TMEM108: variants seen among roughly 807,000 people sequenced by gnomAD.
TMEM108 encodes the protein cancer/testis antigen 124.
Under a neutral mutation model 35.1 loss-of-function variants are expected in TMEM108, and 12 were observed. That is an observed-to-expected ratio of 0.34 (90% CI 0.22 to 0.55). The LOEUF (loss-of-function observed/expected upper bound fraction) is 0.55. Ranked by LOEUF, TMEM108 falls within the 20% of genes least tolerant of loss-of-function variation. The pLI is 0.89. For synonymous variants in TMEM108, 287 were observed against 308.6 expected, an observed-to-expected ratio of 0.93 and a Z score of 0.73; for missense variants, 680 against 753.3, an observed-to-expected ratio of 0.90 and a Z score of 1.14.
At chr3:133,210,686 C>T (rs1188080615) in intron 2 of TMEM108, among the ~76,000 whole-genome samples, 1 of 152,190 alleles carries the variant, frequency 6.6e-6, no homozygotes, top group Non-Finnish European at 1.5e-5. Context: ...AGATAAAACT[C>T]ATTCAAAATG....
chr3:133,313,911 T>C (rs1194500674), intron 3 of TMEM108, among the ~76,000 whole-genome samples: 1 of 152,114 alleles, frequency 6.6e-6, no homozygotes, highest in Non-Finnish European at 1.5e-5. Flanking sequence ...CTTTTTAATG[T>C]GAATTTAAGG....
intron 2 of TMEM108, among the ~76,000 whole-genome samples, chr3:133,096,090 A>T (rs1265934339): frequency 6.6e-6 from 1 of 152,184 alleles, no homozygotes; most frequent in Non-Finnish European, 1.5e-5. Flanking sequence ...CTTAGACAGA[A>T]TATTCGTATA....
At chr3:133,122,594 G>A (rs1305736946) in intron 2 of TMEM108, among the ~76,000 whole-genome samples, 2 of 152,040 alleles carry the variant, frequency 1.3e-5, no homozygotes, top group African/African-American at 2.4e-5. Flanking sequence ...GGCCAGGCAC[G>A]GTGGCTCACG....
chr3:133,376,418 C>T (rs926050014), intron 3 of TMEM108, among the ~76,000 whole-genome samples: 2 of 152,148 alleles, frequency 1.3e-5, no homozygotes, highest in African/African-American at 4.8e-5. Context: ...ACATCTGGTG[C>T]CTGGCCCCAG....
Position 133,286,515 on chromosome 3 carries a change from T to C in TMEM108, c.40+57164T>C, listed in dbSNP as rs115842123. Among the ~76,000 whole-genome samples, 995 of 152,260 alleles carry C rather than the reference T, an allele frequency of 6.5e-3. 7 individuals are homozygous for C. The highest frequency in any genetic ancestry group is 0.022 in the African/African-American group (928 of 41,528). On this transcript the variant is annotated intron_variant, in intron 3 of 5. Coordinates refer to ENST00000321871, the MANE Select transcript of TMEM108 (RefSeq NM_023943.4). ...CACTCAGCTAATTAAAAATTTTTTT[T>C]TGTAGAGATGGGACTCTCACTATGT...
chr3:133,197,091 A>G (rs995008036), intron 2 of TMEM108, among the ~76,000 whole-genome samples: 4 of 152,220 alleles, frequency 2.6e-5, no homozygotes, highest in African/African-American at 9.6e-5. Context: ...GCAGGCACAC[A>G]ATATCCATTC....
intron 2 of TMEM108, among the ~76,000 whole-genome samples, chr3:133,221,666 T>TA (rs1945993585): frequency 7.0e-6 from 1 of 142,994 alleles, no homozygotes; most frequent in Non-Finnish European, 1.5e-5. Context: ...ATTCCTTTTT[T>TA]TTTTTTTTTT....
chr3:133,197,140 A>G (rs1005018011), intron 2 of TMEM108, among the ~76,000 whole-genome samples: 1 of 152,246 alleles, frequency 6.6e-6, no homozygotes, highest in Non-Finnish European at 1.5e-5. Context: ...AACATAGACT[A>G]CTATGTAACT....
chr3:133,225,462 C>A (rs1247910428), intron 2 of TMEM108, among the ~76,000 whole-genome samples: 2 of 151,872 alleles, frequency 1.3e-5, no homozygotes, highest in Non-Finnish European at 2.9e-5. Flanking sequence ...AGCTGTTGTA[C>A]CCCCCTCCCC....
At chr3:133,156,230 C>G (rs1393016468) in intron 2 of TMEM108, among the ~76,000 whole-genome samples, 2 of 152,060 alleles carry the variant, frequency 1.3e-5, no homozygotes, top group Admixed American at 1.3e-4. Flanking sequence ...TACAAATCAA[C>G]TAAGACAACC....
intron 2 of TMEM108, among the ~76,000 whole-genome samples, chr3:133,178,546 C>T (rs1394658138): frequency 6.6e-6 from 1 of 152,056 alleles, no homozygotes. Flanking sequence ...CTGACAAAAA[C>T]AAGCAATGGG....
At chr3:133,312,474 G>T (rs552954991) in intron 3 of TMEM108, among the ~76,000 whole-genome samples, 1 of 152,232 alleles carries the variant, frequency 6.6e-6, no homozygotes, top group Admixed American at 6.5e-5. Context: ...CAGCAGCCTC[G>T]TGGGTCAATC....
chr3:133,343,082 A>T (rs940339582), intron 3 of TMEM108, among the ~76,000 whole-genome samples: 10 of 151,894 alleles, frequency 6.6e-5, no homozygotes, highest in African/African-American at 2.4e-4. Context: ...ACAAAGCAGC[A>T]TTTCAAAAAG....
chr3:133,386,693 G>T, intron 4 of TMEM108: 1 of 1,391,444 alleles, frequency 7.2e-7, no homozygotes, highest in Admixed American at 3.0e-5. Flanking sequence ...AACTAAATGG[G>T]AAAGGGAACA....
chr3:133,374,553 TATATATATATAC>T (rs2072776035), intron 3 of TMEM108, among the ~76,000 whole-genome samples: 3 of 120,816 alleles, frequency 2.5e-5, no homozygotes, highest in African/African-American at 9.6e-5. Flanking sequence ...TATATATATA[TATATATATATAC>T]ACACACACAC....
intron 3 of TMEM108, among the ~76,000 whole-genome samples, chr3:133,311,441 C>A (rs754748436): frequency 6.6e-6 from 1 of 152,148 alleles, no homozygotes; most frequent in Non-Finnish European, 1.5e-5. Flanking sequence ...AACTTGTCTT[C>A]TCAGTTTATT....
intron 3 of TMEM108, among the ~76,000 whole-genome samples, chr3:133,357,120 G>A (rs891630008): frequency 3.3e-5 from 5 of 151,966 alleles, no homozygotes; most frequent in African/African-American, 1.2e-4. Flanking sequence ...AGTGGGCAAT[G>A]GACATAAAAA....
At chr3:133,075,513 C>A (rs1370233313) in intron 2 of TMEM108, among the ~76,000 whole-genome samples, 1 of 152,148 alleles carries the variant, frequency 6.6e-6, no homozygotes. Context: ...GTGAAAACAA[C>A]CCTACTGAAT....
chr3:133,211,333 T>C (rs924112776), intron 2 of TMEM108, among the ~76,000 whole-genome samples: 1 of 152,158 alleles, frequency 6.6e-6, no homozygotes, highest in Non-Finnish European at 1.5e-5. Context: ...ATACACATAA[T>C]TTTTAGGTCC....
Sources: allele counts gnomAD v4.1 joint callset (sites outside exome capture counted in the v4.1 genomes callset), GRCh38; gene constraint gnomAD v4.1.1; transcripts MANE v1.5; gene names NCBI Gene and HGNC (gene_info 2026-07-23, HGNC 2026-07-21).